SLC41A3: variants seen among roughly 807,000 people sequenced by gnomAD.
SLC41A3 encodes solute carrier family 41 member 3.
In SLC41A3, 44 loss-of-function variants were observed where a neutral mutation model predicts 45.4. The ratio of observed to expected loss-of-function variants is 0.97; its 90% CI spans 0.76 to 1.25. The LOEUF is 1.25. SLC41A3 is among the 50% of genes most tolerant of loss of function. The pLI is 0.00. For missense variants in SLC41A3, 550 were observed against 600.6 expected (o/e 0.92, Z 0.88); for synonymous variants, 256 against 252.4 (o/e 1.01, Z -0.13).
intron 2 of SLC41A3, among the ~76,000 whole-genome samples, chr3:126,051,994 A>C (rs1400728710): frequency 1.3e-5 from 2 of 152,138 alleles, no homozygotes; most frequent in Non-Finnish European, 2.9e-5. Context: ...AACAGGCTTG[A>C]CCAGGCGTGA....
At position 126,015,563 on chromosome 3, in the gene SLC41A3, G is replaced by C. The variant is rs1276313817; in HGVS notation, c.901C>G (p.Leu301Val). The C allele has an allele frequency of 1.2e-6, 2 of 1,614,156 alleles. No individual in the cohort carries two copies. Among genetic ancestry groups the C allele is most frequent in the Admixed American group, 3.3e-5 (2 of 60,020 alleles). ...TTAGAAACGGTTTTGCTCAAGATGA[G>C]TCCTCCGAAACTGGGGAAATAGCAG... ...LAMVISSFGG[L>V]ILSKTVSKQQ... The change falls in exon 8 of 11, where the codon CTC (leucine) becomes GTC (valine). Residue 301 changes from leucine (L) to valine (V), a missense_variant. Physicochemically the swap from Leu to Val is conservative, Grantham distance 32 (BLOSUM62 1). Coordinates refer to ENST00000360370, the MANE Select transcript of SLC41A3 (RefSeq NM_017836.4).
intron 2 of SLC41A3, among the ~76,000 whole-genome samples, chr3:126,064,628 G>A (rs59069304): frequency 0.042 from 6,415 of 152,060 alleles, 210 homozygotes; most frequent in East Asian, 0.15. Flanking sequence ...ACCTCCTCCC[G>A]CACCCCCAGT....
At chr3:126,072,569 T>C (rs1187519699) in intron 1 of SLC41A3, among the ~76,000 whole-genome samples, 1 of 152,030 alleles carries the variant, frequency 6.6e-6, no homozygotes, top group African/African-American at 2.4e-5. Context: ...AGCCAACAAA[T>C]TGGAAAAGCC....
chr3:126,078,105 A>T (rs1215420335), intron 1 of SLC41A3, among the ~76,000 whole-genome samples: 2 of 151,894 alleles, frequency 1.3e-5, no homozygotes, highest in Non-Finnish European at 2.9e-5. Context: ...CCTCCCTCTC[A>T]CCACACCAGG....
At chr3:126,024,031 C>T (rs369009780) in intron 5 of SLC41A3, 4 of 152,272 alleles carry the variant, frequency 2.6e-5, no homozygotes, top group Admixed American at 6.5e-5. Context: ...CGAGTTCGCA[C>T]GCTGATTCAG....
intron 10 of SLC41A3, among the ~76,000 whole-genome samples, chr3:126,007,893 A>G (rs1292807532): frequency 6.6e-6 from 1 of 152,240 alleles, no homozygotes; most frequent in African/African-American, 2.4e-5. Context: ...CCCCAGACCC[A>G]CTGGGGACCA....
chr3:126,090,894 C>T (rs1026590636), intron 1 of SLC41A3, among the ~76,000 whole-genome samples: 1 of 152,176 alleles, frequency 6.6e-6, no homozygotes, highest in Non-Finnish European at 1.5e-5. Flanking sequence ...AAGATGCCCT[C>T]TTCCGGCCTT....
chr3:126,098,735 G>A (rs1046867852), intron 1 of SLC41A3, among the ~76,000 whole-genome samples: 1 of 152,156 alleles, frequency 6.6e-6, no homozygotes, highest in Non-Finnish European at 1.5e-5. Flanking sequence ...GTGTCCAGCT[G>A]GTGTTCCCAG....
rs139652941 is a variant in SLC41A3 at position 126,009,144 on chromosome 3, A to G, written c.1106-264T>C. On this transcript the variant is annotated intron_variant, in intron 9 of 10. Coordinates refer to ENST00000360370, the MANE Select transcript of SLC41A3 (RefSeq NM_017836.4). ...AGAAAGGCTATTTCAAACTGTGACA[A>G]GTACTTTAAAGAAAATAAAGGTAAA... 8.8e-3 allele frequency among the ~76,000 whole-genome samples: 1,343 copies of G among 152,354 alleles called. 11 individuals are homozygous for G. Among genetic ancestry groups the G allele is most frequent in the Non-Finnish European group, 0.015 (1,024 of 68,038 alleles).
chr3:126,037,261 A>G (rs1369769473), intron 3 of SLC41A3, among the ~76,000 whole-genome samples: 1 of 152,134 alleles, frequency 6.6e-6, no homozygotes, highest in Non-Finnish European at 1.5e-5. Flanking sequence ...AAGCTTCCTG[A>G]GGCCTCCCCA....
chr3:126,050,961 T>C lies in SLC41A3; in HGVS notation c.363A>G (p.Ala121=). Residue 121 remains alanine (A), a synonymous_variant, in exon 3 of 11, where the codon GCA becomes GCG. Coordinates refer to ENST00000360370, the MANE Select transcript of SLC41A3 (RefSeq NM_017836.4). ...GLKGNLEMTL[A]SRLSTAANTG... ...CACTTACAGCTGTGGAGAGTCTGGA[T>C]GCCAGTGTCATCTCCAGGTTCCCCT... 1 of 1,612,738 alleles carries C rather than the reference T, an allele frequency of 6.2e-7. No individual in the cohort carries two copies. The highest frequency in any genetic ancestry group is 8.5e-7 in the Non-Finnish European group (1 of 1,179,430).
At chr3:126,091,181 A>G (rs1945482593) in intron 1 of SLC41A3, among the ~76,000 whole-genome samples, 1 of 152,148 alleles carries the variant, frequency 6.6e-6, no homozygotes, top group Non-Finnish European at 1.5e-5. Context: ...ACTCCATTTT[A>G]CAGTTGTTTG....
intron 4 of SLC41A3, among the ~76,000 whole-genome samples, chr3:126,028,226 C>G (rs962678814): frequency 3.3e-5 from 5 of 152,230 alleles, no homozygotes; most frequent in African/African-American, 1.2e-4. Context: ...TTGGCAGCCC[C>G]TCCCCTCACA....
At chr3:126,016,282 G>A (rs549498017) in intron 7 of SLC41A3, among the ~76,000 whole-genome samples, 2 of 148,886 alleles carry the variant, frequency 1.3e-5, no homozygotes, top group East Asian at 3.9e-4. Context: ...CAGCTGTCTA[G>A]GTCCCACCAG....
At chr3:126,039,120 C>G (rs1371505802) in intron 3 of SLC41A3, among the ~76,000 whole-genome samples, 2 of 152,228 alleles carry the variant, frequency 1.3e-5, no homozygotes, top group Non-Finnish European at 2.9e-5. Context: ...TCCTGTTCAG[C>G]CTGCAGCACT....
chr3:126,049,981 T>C (rs1389236372), intron 3 of SLC41A3, among the ~76,000 whole-genome samples: 2 of 152,176 alleles, frequency 1.3e-5, no homozygotes, highest in African/African-American at 2.4e-5. Context: ...CATGGCCTTT[T>C]TTCCTGTCTG....
chr3:126,015,623 T>A (rs757593832), intron 7 of SLC41A3, 50 bp from the exon 8 acceptor site: 1 of 1,556,498 alleles, frequency 6.4e-7, no homozygotes, highest in South Asian at 1.1e-5. Context: ...ACACTTACAG[T>A]GGCCCTGCAA....
chr3:126,013,895 A>G (rs916768553), intron 8 of SLC41A3, among the ~76,000 whole-genome samples: 3 of 152,224 alleles, frequency 2.0e-5, no homozygotes, highest in African/African-American at 4.8e-5. Context: ...AGGCAGAGTC[A>G]TGAGGCCCAG....
intron 6 of SLC41A3, among the ~76,000 whole-genome samples, chr3:126,019,953 T>C (rs1426260610): frequency 1.3e-5 from 2 of 152,004 alleles, no homozygotes; most frequent in Non-Finnish European, 2.9e-5. Context: ...TTGGCACTGC[T>C]CTAGTAGGGG....
Sources: allele counts gnomAD v4.1 joint callset (sites outside exome capture counted in the v4.1 genomes callset), GRCh38; gene constraint gnomAD v4.1.1; transcripts MANE v1.5; gene names NCBI Gene and HGNC (gene_info 2026-07-23, HGNC 2026-07-21).